The following CCSER1 variants were observed in gnomAD, a reference collection of about 807,000 sequenced individuals.
The protein encoded by CCSER1 is coiled-coil serine rich protein 1.
A neutral mutation model predicts 82.0 loss-of-function variants in CCSER1; 41 were observed. The ratio of observed to expected loss-of-function variants is 0.50; its 90% confidence interval spans 0.39 to 0.65. The LOEUF (loss-of-function observed/expected upper bound fraction) is 0.65. Among genes scored for constraint, CCSER1 ranks in the 30% least tolerant of loss-of-function variants. The pLI is 0.00. For synonymous variants in CCSER1, 414 were observed against 383.9 expected, an observed-to-expected ratio of 1.08 and a Z score of -0.92; for missense variants, 1,119 against 1,064.2, an observed-to-expected ratio of 1.05 and a Z score of -0.72.
intron 7 of CCSER1, among the ~76,000 whole-genome samples, chr4:90,748,038 C>CTT (rs397972944): frequency 0.27 from 37,641 of 141,040 alleles, 5,083 homozygotes; most frequent in African/African-American, 0.34. Context: ...ACATTTTCTT[C>CTT]TTTTTTTTTT....
intron 5 of CCSER1, among the ~76,000 whole-genome samples, chr4:90,547,693 C>T (rs572596306): frequency 6.6e-6 from 1 of 152,222 alleles, no homozygotes; most frequent in African/African-American, 2.4e-5. Context: ...CTCTAAAATA[C>T]ACCTCTGCTA....
chr4:91,567,071 G>A (rs1234919771), intron 10 of CCSER1, among the ~76,000 whole-genome samples: 1 of 151,954 alleles, frequency 6.6e-6, no homozygotes, highest in Non-Finnish European at 1.5e-5. Flanking sequence ...AGAGATTCTG[G>A]TATATTGTAT....
chr4:90,591,219 C>G (rs1434227800), intron 5 of CCSER1, among the ~76,000 whole-genome samples: 1 of 152,096 alleles, frequency 6.6e-6, no homozygotes, highest in Non-Finnish European at 1.5e-5. Context: ...AATATCCAAT[C>G]ATGTCATCTG....
chr4:90,179,014 C>A (rs1364505616), intron 1 of CCSER1, among the ~76,000 whole-genome samples: 1 of 152,078 alleles, frequency 6.6e-6, no homozygotes, highest in Non-Finnish European at 1.5e-5. Flanking sequence ...CACCATACAT[C>A]CTCAGGGAGA....
intron 10 of CCSER1, among the ~76,000 whole-genome samples, chr4:91,452,717 T>C (rs759196000): frequency 1.3e-5 from 2 of 152,086 alleles, no homozygotes; most frequent in African/African-American, 4.8e-5. Flanking sequence ...GCAAGTTCAA[T>C]GTTTGACCTG....
chr4:90,133,858 G>A (rs748138440), intron 1 of CCSER1, among the ~76,000 whole-genome samples: 5 of 152,236 alleles, frequency 3.3e-5, no homozygotes, highest in East Asian at 1.9e-4. Context: ...CATAGTAGAC[G>A]CCTGATAAAT....
Position 90,957,766 on chromosome 4 carries a change from A to C in CCSER1, c.2172+34319A>C, listed in dbSNP as rs150120098. Among the ~76,000 whole-genome samples, 369 of 149,100 alleles carry C rather than the reference A, an allele frequency of 2.5e-3. 3 individuals are homozygous for C. The East Asian group carries it at 0.045, about 18-fold the overall frequency. On this transcript the variant is annotated intron_variant, in intron 9 of 10. Transcript: ENST00000509176. ...ACAAAAGGTAAGATTTGGATTTTTA[A>C]ACTGAAATTTCCCCTGATGGAGAAC...
intron 10 of CCSER1, among the ~76,000 whole-genome samples, chr4:91,549,175 T>C (rs1015714665): frequency 1.5e-4 from 23 of 152,152 alleles, no homozygotes; most frequent in African/African-American, 5.1e-4. Flanking sequence ...TCATTCTTTA[T>C]GTTATACTGT....
At chr4:90,379,772 G>A (rs753417295) in intron 3 of CCSER1, among the ~76,000 whole-genome samples, 1 of 152,116 alleles carries the variant, frequency 6.6e-6, no homozygotes, top group Admixed American at 6.5e-5. Flanking sequence ...AGAAATATCC[G>A]AGACTGGGTA....
intron 5 of CCSER1, among the ~76,000 whole-genome samples, chr4:90,501,092 T>C (rs1769804194): frequency 6.6e-6 from 1 of 152,106 alleles, no homozygotes; most frequent in African/African-American, 2.4e-5. Context: ...GAAAGTAATA[T>C]AGAAAGATAA....
At chr4:91,461,898 A>G (rs987639565) in intron 10 of CCSER1, among the ~76,000 whole-genome samples, 6 of 152,240 alleles carry the variant, frequency 3.9e-5, no homozygotes, top group African/African-American at 1.4e-4. Flanking sequence ...TAGCCCATTT[A>G]TGGAATAAAC....
intron 8 of CCSER1, among the ~76,000 whole-genome samples, chr4:90,918,644 T>A (rs1439496711): frequency 6.6e-6 from 1 of 151,144 alleles, no homozygotes; most frequent in Non-Finnish European, 1.5e-5. Context: ...GAGAGATATA[T>A]ATATATATAT....
At chr4:90,916,384 G>A (rs1378735937) in intron 8 of CCSER1, among the ~76,000 whole-genome samples, 1 of 152,072 alleles carries the variant, frequency 6.6e-6, no homozygotes, top group Admixed American at 6.6e-5. Context: ...TCTGATCTTT[G>A]ACAAACCTGA....
At position 90,275,272 on chromosome 4, in the gene CCSER1, A is replaced by G. The variant is rs1727335695; in HGVS notation, c.-41-32972A>G. 2.6e-5 allele frequency among the ~76,000 whole-genome samples: 4 copies of G among 152,246 alleles called. No individual in the cohort carries two copies. In the South Asian group the frequency reaches 8.3e-4, roughly 32 times the overall value. On this transcript the variant is annotated intron_variant, in intron 1 of 10. Coordinates refer to ENST00000509176, the MANE Select transcript of CCSER1 (RefSeq NM_001145065.2). ...ATTAAGAATGAGTTTTCAAACATGCAGTCACATAAGTGTGACTTTTAAGTC... is the reference window on the plus strand; with the variant it reads ...ATTAAGAATGAGTTTTCAAACATGCGGTCACATAAGTGTGACTTTTAAGTC...
chr4:90,811,844 A>C (rs1043797076), intron 7 of CCSER1, among the ~76,000 whole-genome samples: 1 of 144,318 alleles, frequency 6.9e-6, no homozygotes, highest in African/African-American at 2.6e-5. Context: ...AGCTAGTTGT[A>C]TCTTGTAGTT....
intron 6 of CCSER1, among the ~76,000 whole-genome samples, chr4:90,704,580 G>A (rs779082109): frequency 6.6e-6 from 1 of 152,178 alleles, no homozygotes; most frequent in East Asian, 1.9e-4. Context: ...TTCCAAGTTG[G>A]TTCCATTCTC....
intron 5 of CCSER1, among the ~76,000 whole-genome samples, chr4:90,623,909 G>GC: frequency 6.6e-6 from 1 of 152,276 alleles, no homozygotes; most frequent in Admixed American, 6.5e-5. Flanking sequence ...ATGTCATTGT[G>GC]CTGGTCTTAG....
chr4:91,042,084 G>T (rs1742010642), intron 9 of CCSER1, among the ~76,000 whole-genome samples: 1 of 152,120 alleles, frequency 6.6e-6, no homozygotes, highest in Admixed American at 6.6e-5. Context: ...TTTTGTTTGT[G>T]ATATGGTTTG....
chr4:91,313,131 A>C (rs1469537528), intron 10 of CCSER1, among the ~76,000 whole-genome samples: 1 of 151,948 alleles, frequency 6.6e-6, no homozygotes, highest in African/African-American at 2.4e-5. Flanking sequence ...ACAAATATGT[A>C]TGAACATTTT....
Sources: allele counts gnomAD v4.1 joint callset (sites outside exome capture counted in the v4.1 genomes callset), GRCh38; gene constraint gnomAD v4.1.1; transcripts MANE v1.5; gene names NCBI Gene and HGNC (gene_info 2026-07-23, HGNC 2026-07-21).